Variants in RPS6KC1 observed in about 807,000 individuals in gnomAD.
RPS6KC1 encodes inactive ribosomal protein S6 kinase delta-1.
In RPS6KC1, 54 loss-of-function variants were observed where a neutral mutation model predicts 103.8. The observed-to-expected ratio is 0.52, with a 90% CI of 0.42 to 0.65. The LOEUF (loss-of-function observed/expected upper bound fraction) is 0.65, where lower values mean the gene tolerates loss of function less well. Ranked by LOEUF, RPS6KC1 falls within the 30% of genes least tolerant of loss-of-function variation. RPS6KC1 has a pLI of 0.00. For missense variants in RPS6KC1, 1,151 were observed against 1,253.8 expected, an observed-to-expected ratio of 0.92 and a Z score of 1.24; for synonymous variants, 439 against 438.7, an observed-to-expected ratio of 1.00 and a Z score of -0.01.
chr1:213,535,185 C>A, the RPS6KC1 span, among the ~76,000 whole-genome samples: 1 of 152,110 alleles, frequency 6.6e-6, no homozygotes, highest in Admixed American at 6.5e-5. Flanking sequence ...TTATTTATAC[C>A]ACATCTCTTT....
At chr1:213,312,725 A>G in the RPS6KC1 span, among the ~76,000 whole-genome samples, 1 of 152,194 alleles carries the variant, frequency 6.6e-6, no homozygotes, top group African/African-American at 2.4e-5. Flanking sequence ...CAATATGAGG[A>G]CAGGGTAATG....
chr1:213,107,942 A>G (rs2082651722), intron 4 of RPS6KC1, among the ~76,000 whole-genome samples: 1 of 152,178 alleles, frequency 6.6e-6, no homozygotes, highest in Admixed American at 6.5e-5. Context: ...AATGTCCATT[A>G]AAATCTACCC....
At chr1:213,069,933 A>C (rs956316344) in intron 1 of RPS6KC1, among the ~76,000 whole-genome samples, 6 of 152,192 alleles carry the variant, frequency 3.9e-5, no homozygotes, top group East Asian at 3.8e-4. Flanking sequence ...TTGTGAAAAA[A>C]ATCTTTTTAC....
At chr1:213,140,584 A>G (rs912737205) in intron 6 of RPS6KC1, among the ~76,000 whole-genome samples, 1 of 152,088 alleles carries the variant, frequency 6.6e-6, no homozygotes, top group African/African-American at 2.4e-5. Context: ...TTCTGTGTCT[A>G]TTGAGCTGAT....
At chr1:213,775,802 C>T in the RPS6KC1 span, among the ~76,000 whole-genome samples, 2 of 152,156 alleles carry the variant, frequency 1.3e-5, no homozygotes, top group Admixed American at 6.6e-5. Context: ...GCATTTTGCC[C>T]ACAGTAAAAC....
chr1:213,324,593 C>CTTTTTTTG, the RPS6KC1 span, among the ~76,000 whole-genome samples: 1 of 81,822 alleles, frequency 1.2e-5, no homozygotes, highest in East Asian at 4.4e-4. Flanking sequence ...GCTCGATATG[C>CTTTTTTTG]TTTTTTTTTT....
chr1:213,670,861 G>A, the RPS6KC1 span, among the ~76,000 whole-genome samples: 1 of 152,196 alleles, frequency 6.6e-6, no homozygotes, highest in Non-Finnish European at 1.5e-5. Context: ...CATTTCCTCT[G>A]TGACCTTGGG....
the RPS6KC1 span, among the ~76,000 whole-genome samples, chr1:213,799,689 G>A: frequency 6.6e-6 from 1 of 152,208 alleles, no homozygotes; most frequent in African/African-American, 2.4e-5. Context: ...ACTGAGAGCA[G>A]TCTGAGATAC....
At chr1:213,813,207 C>T in the RPS6KC1 span, among the ~76,000 whole-genome samples, 23 of 152,102 alleles carry the variant, frequency 1.5e-4, no homozygotes, top group African/African-American at 4.8e-4. Context: ...GCTGAGATCA[C>T]GCCACTGCAC....
At chr1:213,747,106 T>G in the RPS6KC1 span, among the ~76,000 whole-genome samples, 1 of 152,094 alleles carries the variant, frequency 6.6e-6, no homozygotes, top group African/African-American at 2.4e-5. Flanking sequence ...TGGGCACTCC[T>G]GGGAGCAGGA....
intron 7 of RPS6KC1, among the ~76,000 whole-genome samples, chr1:213,172,146 A>G (rs1022133654): frequency 6.6e-6 from 1 of 152,174 alleles, no homozygotes; most frequent in Non-Finnish European, 1.5e-5. Flanking sequence ...TCTTTTTAAC[A>G]AGATCATCAG....
chr1:213,134,937 T>C (rs1222476253), intron 6 of RPS6KC1, among the ~76,000 whole-genome samples: 1 of 152,154 alleles, frequency 6.6e-6, no homozygotes, highest in Non-Finnish European at 1.5e-5. Flanking sequence ...CACCTAATGC[T>C]CTGGCTAGAA....
At chr1:213,394,129 G>A in the RPS6KC1 span, among the ~76,000 whole-genome samples, 5 of 152,042 alleles carry the variant, frequency 3.3e-5, 1 homozygote, top group Admixed American at 1.3e-4. Flanking sequence ...TGCAGAGTCC[G>A]AAGTTCTGTC....
chr1:213,261,448 T>C (rs1340200566), intron 12 of RPS6KC1, 110 bp from the exon 13 acceptor site: 1 of 923,578 alleles, frequency 1.1e-6, no homozygotes, highest in Non-Finnish European at 1.7e-6. Flanking sequence ...CCAGTAGTAT[T>C]TAGTATATGC....
At chr1:213,336,501 C>T in the RPS6KC1 span, among the ~76,000 whole-genome samples, 1 of 152,106 alleles carries the variant, frequency 6.6e-6, no homozygotes, top group African/African-American at 2.4e-5. Context: ...GGTATGTTTA[C>T]TTAAGGAGAA....
chr1:213,557,831 C>T, the RPS6KC1 span, among the ~76,000 whole-genome samples: 1 of 152,004 alleles, frequency 6.6e-6, no homozygotes, highest in Non-Finnish European at 1.5e-5. Flanking sequence ...CCATCAGACT[C>T]ATTCTAATCA....
downstream of RPS6KC1, among the ~76,000 whole-genome samples, chr1:213,275,798 A>G (rs2095111347): frequency 6.6e-6 from 1 of 152,238 alleles, no homozygotes; most frequent in Admixed American, 6.5e-5. Context: ...CATGCTATGC[A>G]GTAGATTGCC....
At chr1:213,314,335 C>T in the RPS6KC1 span, among the ~76,000 whole-genome samples, 1 of 152,246 alleles carries the variant, frequency 6.6e-6, no homozygotes, top group African/African-American at 2.4e-5. Flanking sequence ...AGGACTTCAA[C>T]ATAGCTTTCT....
At chr1:213,567,656 G>A in the RPS6KC1 span, among the ~76,000 whole-genome samples, 2 of 152,192 alleles carry the variant, frequency 1.3e-5, no homozygotes, top group Admixed American at 6.5e-5. Context: ...GTTGTGTTAG[G>A]CATTTCACTT....
Sources: allele counts gnomAD v4.1 joint callset (sites outside exome capture counted in the v4.1 genomes callset), GRCh38; gene constraint gnomAD v4.1.1; transcripts MANE v1.5; gene names NCBI Gene and HGNC (gene_info 2026-07-23, HGNC 2026-07-21).